Variants in ZBED6 observed in about 807,000 individuals in gnomAD.
The protein encoded by ZBED6 is zinc finger BED domain-containing protein 6.
A neutral mutation model predicts 58.4 loss-of-function variants in ZBED6; 40 were observed. The observed-to-expected ratio is 0.68, with a 90% CI of 0.53 to 0.89. The LOEUF (loss-of-function observed/expected upper bound fraction) is 0.89, where lower values mean the gene tolerates loss of function less well. ZBED6 is among the 40% of genes least tolerant of loss of function. The pLI, the probability that ZBED6 is intolerant of heterozygous loss-of-function variation, is 0.00. For synonymous variants in ZBED6, 439 were observed against 350.6 expected, an observed-to-expected ratio of 1.25 and a Z score of -2.82; for missense variants, 1,057 against 1,003.9, an observed-to-expected ratio of 1.05 and a Z score of -0.71.
intron 3 of ZBED6, among the ~76,000 whole-genome samples, chr1:203,823,597 G>A (rs945286867): frequency 6.6e-6 from 1 of 152,204 alleles, no homozygotes; most frequent in Non-Finnish European, 1.5e-5. Flanking sequence ...GGTCCCAGAT[G>A]CTAGCCAAGA....
At chr1:203,832,456 GT>G (rs1210598972) in intron 8 of ZBED6, among the ~76,000 whole-genome samples, 3 of 151,972 alleles carry the variant, frequency 2.0e-5, no homozygotes, top group African/African-American at 7.3e-5. Flanking sequence ...CGCCTCCCAG[GT>G]TCAAGTGATT....
At chr1:203,815,206 C>CT (rs1484527302) in intron 1 of ZBED6, among the ~76,000 whole-genome samples, 14 of 43,710 alleles carry the variant, frequency 3.2e-4, no homozygotes, top group African/African-American at 1.1e-3. Flanking sequence ...TATTTTCTTC[C>CT]TTTTCTTTTC....
exon 1 of ZBED6, chr1:203,798,989 T>C: frequency 6.5e-7 from 1 of 1,536,174 alleles, no homozygotes; most frequent in Non-Finnish European, 8.7e-7. Context: ...TATGGACCCA[T>C]GACCCATCCA....
At chr1:203,836,855 A>C (rs1684511738) in intron 9 of ZBED6, among the ~76,000 whole-genome samples, 1 of 152,244 alleles carries the variant, frequency 6.6e-6, no homozygotes, top group South Asian at 2.1e-4. Flanking sequence ...TAAGATACAG[A>C]ATATTTCAGA....
intron 3 of ZBED6, among the ~76,000 whole-genome samples, chr1:203,821,589 G>A (rs558849313): frequency 3.9e-5 from 6 of 151,984 alleles, no homozygotes; most frequent in East Asian, 3.9e-4. Flanking sequence ...CCCTGTATTC[G>A]GCCATTTATC....
intron 1 of ZBED6, among the ~76,000 whole-genome samples, chr1:203,816,465 A>AT (rs1421016292): frequency 1.3e-5 from 2 of 152,010 alleles, no homozygotes; most frequent in African/African-American, 4.8e-5. Flanking sequence ...CTTTACAAAA[A>AT]TTTTTTTTAA....
chr1:203,838,335 G>A (rs1007739198), intron 10 of ZBED6, among the ~76,000 whole-genome samples: 2 of 152,234 alleles, frequency 1.3e-5, no homozygotes, highest in African/African-American at 4.8e-5. Flanking sequence ...ACAGAGAAAA[G>A]TACACAGTGT....
chr1:203,799,964 T>C (rs1441245118), exon 1 of ZBED6: 1 of 1,536,160 alleles, frequency 6.5e-7, no homozygotes, highest in Non-Finnish European at 8.7e-7. Flanking sequence ...AAATTCCAAC[T>C]TCAGAAGCTT....
rs1681734291 is a variant in ZBED6 at position 203,829,976 on chromosome 1, CTCT to C, written c.*3318+85_*3318+87del. 4.9e-6 allele frequency: 7 copies of C among 1,423,206 alleles called. No homozygotes were observed. The Admixed American group carries it at 1.2e-4, about 24-fold the overall frequency. 88.2% of individuals were successfully genotyped at this position (1,423,206 alleles called of 1,614,324 possible). On this transcript the variant is annotated intron_variant, in intron 6 of 16. Transcript: ENST00000550078. ...ATTTAGTTCACAATCATTGACCTCC[CTCT>C]TCTTTTTCCCATGCTACACGCATAC...
chr1:203,829,369 G>C (rs572572552), intron 4 of ZBED6, 82 bp from the exon 5 acceptor site: 3 of 1,400,004 alleles, frequency 2.1e-6, no homozygotes, highest in Non-Finnish European at 3.0e-6. Flanking sequence ...ATACACTATA[G>C]TTTTCATAGG....
At chr1:203,847,453 A>G (rs748533596) in exon 12 of ZBED6, 7 of 1,613,890 alleles carry the variant, frequency 4.3e-6, no homozygotes, top group Non-Finnish European at 5.9e-6. Context: ...AAAGATTGAT[A>G]GTGAAATTAA....
exon 1 of ZBED6, chr1:203,798,748 A>C: frequency 2.0e-6 from 3 of 1,536,146 alleles, no homozygotes; most frequent in Non-Finnish European, 2.6e-6. Flanking sequence ...GTCTCAAGTC[A>C]CATAAGTCAG....
Position 203,850,693 on chromosome 1 carries a change from A to G in ZBED6, c.*4805+12A>G, listed in dbSNP as rs768034607. 5 of 1,611,942 alleles carry G rather than the reference A, an allele frequency of 3.1e-6. No homozygotes were observed. In the Admixed American group the frequency reaches 6.7e-5, roughly 22 times the overall value. ...AAAAGGCAGCTGTGGTAAGAAGTAT[A>G]TTCACTTTGTGGTGCTTTATTCTGT... On this transcript the variant is annotated intron_variant, in intron 15 of 16. Transcript: ENST00000550078.
At chr1:203,822,346 G>C (rs1365662500) in intron 3 of ZBED6, among the ~76,000 whole-genome samples, 1 of 151,920 alleles carries the variant, frequency 6.6e-6, no homozygotes, top group East Asian at 1.9e-4. Flanking sequence ...TTCAACTCTA[G>C]TACTCTGTGC....
In ZBED6 at chr1:203,799,072, C is replaced by A. The variant is rs774801827; in HGVS notation, c.1550C>A (p.Pro517His). Residue 517 changes from proline (P) to histidine (H), a missense_variant, in exon 1 of 17, where the codon CCC becomes CAC. Transcript: ENST00000550078. ...TCTTTTCTCAATAATGGCAGGATCC[C>A]CGATTTTAGAAAGTGGGCAGTGCTT... 7 of 1,536,064 alleles carry A rather than the reference C, an allele frequency of 4.6e-6. No homozygotes were observed. The African/African-American group carries it at 9.6e-5, about 21-fold the overall frequency.
chr1:203,842,200 C>T (rs544759288), intron 11 of ZBED6, among the ~76,000 whole-genome samples: 16 of 152,146 alleles, frequency 1.1e-4, no homozygotes, highest in Admixed American at 2.0e-4. Context: ...GACGGGGTGG[C>T]GGCCGGGCAG....
In ZBED6 at chr1:203,838,079, A is replaced by G. The variant is rs1440429569; in HGVS notation, c.*3672+15A>G. 1 of 1,612,102 alleles carries G rather than the reference A, an allele frequency of 6.2e-7. No individual in the cohort carries two copies. The highest frequency in any genetic ancestry group is 8.5e-7 in the Non-Finnish European group (1 of 1,178,712). On this transcript the variant is annotated intron_variant, in intron 10 of 16. Transcript: ENST00000550078. Reference sequence around the variant, plus strand: ...ACCAAAGAAAGGTACCTGTGTTCTTACATACTTTGTGTGTGTATGTAATTA... The same window carrying G: ...ACCAAAGAAAGGTACCTGTGTTCTTGCATACTTTGTGTGTGTATGTAATTA...
chr1:203,842,350 A>T (rs1284618386), intron 11 of ZBED6, among the ~76,000 whole-genome samples: 1 of 152,152 alleles, frequency 6.6e-6, no homozygotes, highest in East Asian at 1.9e-4. Flanking sequence ...CAATCCCGGC[A>T]CCTCGGGAGG....
chr1:203,825,076 CAAAA>C (rs61108073), intron 3 of ZBED6, among the ~76,000 whole-genome samples: 1 of 108,986 alleles, frequency 9.2e-6, no homozygotes, highest in Non-Finnish European at 1.8e-5. Context: ...GACTCCGTCT[CAAAA>C]AAAAAAAAAA....
Sources: allele counts gnomAD v4.1 joint callset (sites outside exome capture counted in the v4.1 genomes callset), GRCh38; gene constraint gnomAD v4.1.1; transcripts MANE v1.5; gene names NCBI Gene and HGNC (gene_info 2026-07-23, HGNC 2026-07-21).